The following KCNA6 variants were observed in gnomAD, a reference collection of about 807,000 sequenced individuals.
KCNA6 encodes the protein human brain potassium channel-2.
Under a neutral mutation model 29.5 loss-of-function variants are expected in KCNA6, and 17 were observed. The ratio of observed to expected loss-of-function variants is 0.58; its 90% CI spans 0.39 to 0.86. KCNA6 has a LOEUF of 0.86. Among genes scored for constraint, KCNA6 ranks in the 40% least tolerant of loss-of-function variants. KCNA6 has a pLI of 0.00. For synonymous variants in KCNA6, 296 were observed against 304.7 expected, an observed-to-expected ratio of 0.97 and a Z score of 0.30; for missense variants, 450 against 703.4, an observed-to-expected ratio of 0.64 and a Z score of 4.07.
At chr12:4,833,909 G>A in the KCNA6 span, among the ~76,000 whole-genome samples, 2 of 147,440 alleles carry the variant, frequency 1.4e-5, no homozygotes, top group Non-Finnish European at 3.0e-5. Context: ...CTCCTTCTTC[G>A]TCTCCTTCTT....
At chr12:4,838,733 G>A in the KCNA6 span, among the ~76,000 whole-genome samples, 5 of 152,194 alleles carry the variant, frequency 3.3e-5, no homozygotes, top group African/African-American at 1.2e-4. Flanking sequence ...TTGGTTTCTG[G>A]TGAGGGCTCT....
At chr12:4,817,184 GA>G (rs1946690763), downstream of KCNA6, among the ~76,000 whole-genome samples, 1 of 152,232 alleles carries the variant, frequency 6.6e-6, no homozygotes, top group South Asian at 2.1e-4. Context: ...CTTAGGGGAG[GA>G]AAAGAATTCC....
chr12:4,818,987 C>A, the KCNA6 span, among the ~76,000 whole-genome samples: 3 of 152,060 alleles, frequency 2.0e-5, no homozygotes, highest in Non-Finnish European at 4.4e-5. Context: ...ACCACATATA[C>A]ACACACGTAT....
the KCNA6 span, among the ~76,000 whole-genome samples, chr12:4,838,399 A>G: frequency 2.0e-5 from 3 of 152,142 alleles, no homozygotes; most frequent in Non-Finnish European, 4.4e-5. Flanking sequence ...ATGGCACCTT[A>G]CACACACTGG....
chr12:4,838,420 G>A, the KCNA6 span, among the ~76,000 whole-genome samples: 2 of 152,178 alleles, frequency 1.3e-5, no homozygotes, highest in Non-Finnish European at 2.9e-5. Context: ...GGGCTACCAA[G>A]GAGTTTACAG....
In KCNA6 at chr12:4,811,173, C is replaced by T. The variant is rs369469247; in HGVS notation, c.1132C>T (p.Leu378=). 238 of 1,614,112 alleles carry T rather than the reference C, an allele frequency of 1.5e-4. No individual in the cohort carries two copies. Among genetic ancestry groups the T allele is most frequent in the Non-Finnish European group, 1.9e-4 (227 of 1,180,028 alleles). The change falls in exon 1 of 1, where the codon CTG becomes TTG. Residue 378 remains leucine (L), a synonymous_variant. Transcript: ENST00000280684. This position sits in a 1 kb window ranked among gnomAD's most constrained non-coding sequence, Gnocchi z 7.1. ...GCAGGCCTCCATGAGGGAGCTGGGG[C>T]TGCTCATCTTCTTCCTCTTCATCGG...
chr12:4,832,535 G>A, the KCNA6 span, among the ~76,000 whole-genome samples: 2 of 152,064 alleles, frequency 1.3e-5, no homozygotes, highest in Non-Finnish European at 1.5e-5. Flanking sequence ...TGTACCTCTG[G>A]CCCCTCTGTT....
chr12:4,837,691 G>A, the KCNA6 span, among the ~76,000 whole-genome samples: 13 of 152,064 alleles, frequency 8.5e-5, no homozygotes, highest in African/African-American at 3.1e-4. Context: ...ACTCACAGAC[G>A]CATATGGAAA....
chr12:4,810,919 G>A lies in KCNA6; in HGVS notation c.878G>A (p.Arg293Gln). ...TGCCCTAGCAAGCCGGCCTTCTTCCGGAACATCATGAACATCATTGACTTG... is the reference window on the plus strand; with the variant it reads ...TGCCCTAGCAAGCCGGCCTTCTTCCAGAACATCATGAACATCATTGACTTG... Residue 293 changes from arginine to glutamine, a missense_variant, in exon 1 of 1, where the codon CGG (arginine) becomes CAG (glutamine). Transcript: ENST00000280684. This position sits in a 1 kb window ranked among gnomAD's most constrained non-coding sequence, Gnocchi z 7.5. 2.5e-6 allele frequency: 4 copies of A among 1,614,178 alleles called. No individual in the cohort carries two copies. The highest frequency in any genetic ancestry group is 3.4e-6 in the Non-Finnish European group (4 of 1,180,026).
the KCNA6 span, among the ~76,000 whole-genome samples, chr12:4,847,083 C>T: frequency 3.3e-4 from 50 of 152,028 alleles, no homozygotes; most frequent in African/African-American, 1.1e-3. Flanking sequence ...CACGCCCAGC[C>T]GGAACACCTC....
Position 4,810,452 on chromosome 12 carries a change from C to T in KCNA6, c.411C>T (p.Asp137=). 6.2e-7 allele frequency: 1 copy of T among 1,614,054 alleles called. No individual in the cohort carries two copies. Among genetic ancestry groups the T allele is most frequent in the Non-Finnish European group, 8.5e-7 (1 of 1,179,980 alleles). Residue 137 remains aspartate (D), a synonymous_variant, in exon 1 of 1, where the codon GAC becomes GAT. Coordinates refer to ENST00000280684, the Ensembl canonical transcript of KCNA6. The surrounding 1 kb of genome is among the most constrained non-coding windows in gnomAD (Gnocchi z 7.5). ...AGGCCCTGGCGGCCTTCCGGGAGGA[C>T]GAGGGCTGCCTGCCCGAAGGTGGCG...
the KCNA6 span, among the ~76,000 whole-genome samples, chr12:4,835,741 A>T: frequency 7.9e-5 from 12 of 151,906 alleles, no homozygotes; most frequent in Non-Finnish European, 1.5e-4. Flanking sequence ...AAAGACATCA[A>T]CTCAGCTGTC....
the KCNA6 span, among the ~76,000 whole-genome samples, chr12:4,850,495 G>A: frequency 6.6e-6 from 1 of 152,266 alleles, no homozygotes; most frequent in African/African-American, 2.4e-5. The surrounding 1 kb of genome is among the most constrained non-coding windows in gnomAD (Gnocchi z 5.4). Flanking sequence ...GGCAGAAATG[G>A]CTTCAGGTTG....
At chr12:4,816,217 A>G (rs1317313792), downstream of KCNA6, among the ~76,000 whole-genome samples, 4 of 150,258 alleles carry the variant, frequency 2.7e-5, no homozygotes, top group African/African-American at 7.4e-5. Context: ...TATGCAGTCG[A>G]TCGTTGCTAT....
At chr12:4,847,596 G>A in the KCNA6 span, among the ~76,000 whole-genome samples, 1 of 151,954 alleles carries the variant, frequency 6.6e-6, no homozygotes, top group South Asian at 2.1e-4. Flanking sequence ...ATAGCAGCCT[G>A]TTCTTCTTTC....
At chr12:4,829,254 T>C in the KCNA6 span, among the ~76,000 whole-genome samples, 2 of 152,162 alleles carry the variant, frequency 1.3e-5, no homozygotes, top group African/African-American at 4.8e-5. Flanking sequence ...GGGATTTGGC[T>C]GTCTACTGTA....
downstream of KCNA6, among the ~76,000 whole-genome samples, chr12:4,815,735 G>A (rs561645552): frequency 6.6e-6 from 1 of 152,292 alleles, no homozygotes; most frequent in East Asian, 1.9e-4. Context: ...AGAACAAAAG[G>A]AAAGGACATA....
chr12:4,818,857 CACACACAT>C, the KCNA6 span, among the ~76,000 whole-genome samples: 57 of 143,654 alleles, frequency 4.0e-4, no homozygotes, highest in African/African-American at 1.4e-3. Flanking sequence ...CACACACACA[CACACACAT>C]ATGCATATAC....
chr12:4,815,873 C>T (rs988320818), downstream of KCNA6, among the ~76,000 whole-genome samples: 15 of 152,174 alleles, frequency 9.9e-5, no homozygotes, highest in African/African-American at 3.4e-4. Flanking sequence ...GTCCCACCTG[C>T]AGCAGGACAC....
Sources: allele counts gnomAD v4.1 joint callset (sites outside exome capture counted in the v4.1 genomes callset), GRCh38; gene constraint gnomAD v4.1.1; non-coding constraint Gnocchi (gnomAD v3.1); transcripts MANE v1.5; gene names NCBI Gene and HGNC (gene_info 2026-07-23, HGNC 2026-07-21).